The following LAMC2 variants were observed in gnomAD, a reference collection of about 807,000 sequenced individuals.
LAMC2 encodes the protein laminin subunit gamma 2.
LAMC2 carries 97 observed loss-of-function variants against 140.2 expected under a neutral mutation model. That is an observed-to-expected ratio of 0.69 (90% CI 0.59 to 0.82). The LOEUF is 0.82. Ranked by LOEUF, LAMC2 falls within the 40% of genes least tolerant of loss-of-function variation. The pLI, the probability that LAMC2 is intolerant of heterozygous loss-of-function variation, is 0.00. For synonymous variants in LAMC2, 513 were observed against 540.2 expected (o/e 0.95, Z 0.70); for missense variants, 1,402 against 1,476.1 (o/e 0.95, Z 0.82).
At chr1:183,255,298 A>G in the LAMC2 span, among the ~76,000 whole-genome samples, 1 of 152,192 alleles carries the variant, frequency 6.6e-6, no homozygotes, top group Non-Finnish European at 1.5e-5. Flanking sequence ...TGCCAGTACC[A>G]TACTGTTTTG....
intron 9 of LAMC2, among the ~76,000 whole-genome samples, 171 bp downstream of exon 9, chr1:183,227,087 C>T (rs1659649873): frequency 6.6e-6 from 1 of 152,146 alleles, no homozygotes; most frequent in Non-Finnish European, 1.5e-5. Context: ...ATCCTCTTCA[C>T]TGTGGAAATG....
At position 183,235,716 on chromosome 1, in the gene LAMC2, A is replaced by G. The variant is rs1659938260; in HGVS notation, c.2442A>G (p.Gln814=). 2 of 1,614,142 alleles carry G rather than the reference A, an allele frequency of 1.2e-6. No individual in the cohort carries two copies. The highest frequency in any genetic ancestry group is 1.7e-6 in the Non-Finnish European group (2 of 1,180,016). ...GTAGCCCGGACGGTGCTGTGGTGCA[A>G]GGGCTTGTGGAAAAGTACGTTCCTA... ...GSGSPDGAVV[Q]GLVEKLEKTK... Residue 814 remains glutamine (Q), a synonymous_variant, in exon 16 of 23, where the codon CAA becomes CAG. Transcript: ENST00000264144.
At chr1:183,188,751 G>C (rs1571495079) in intron 1 of LAMC2, among the ~76,000 whole-genome samples, 1 of 152,206 alleles carries the variant, frequency 6.6e-6, no homozygotes, top group African/African-American at 2.4e-5. Flanking sequence ...CTTCAGGATA[G>C]GATTGCCTGG....
chr1:183,222,363 G>T, intron 6 of LAMC2, 152 bp downstream of exon 6: 1 of 806,686 alleles, frequency 1.2e-6, no homozygotes. Context: ...AGAGATGGGG[G>T]CTAAGCCTGA....
chr1:183,204,204 T>C (rs1055988265), intron 1 of LAMC2, among the ~76,000 whole-genome samples: 3 of 152,156 alleles, frequency 2.0e-5, no homozygotes, highest in African/African-American at 7.2e-5. Context: ...AGTGAGAAGA[T>C]GGCTTGAGCC....
At chr1:183,247,007 A>G (rs897364486), downstream of LAMC2, among the ~76,000 whole-genome samples, 3 of 152,330 alleles carry the variant, frequency 2.0e-5, no homozygotes, top group African/African-American at 7.2e-5. Flanking sequence ...CAGTGTTTAT[A>G]TTTCACTTTA....
At chr1:183,220,224 C>T (rs1243037752) in intron 4 of LAMC2, among the ~76,000 whole-genome samples, 1 of 152,104 alleles carries the variant, frequency 6.6e-6, no homozygotes, top group Non-Finnish European at 1.5e-5. Context: ...GAGCTGGGAG[C>T]AGAGGTGGAA....
intron 1 of LAMC2, among the ~76,000 whole-genome samples, chr1:183,187,936 C>T (rs1658204520): frequency 6.6e-6 from 1 of 152,198 alleles, no homozygotes; most frequent in South Asian, 2.1e-4. Flanking sequence ...ATCTTTTATA[C>T]ATGATAAGTA....
At chr1:183,243,024 GTA>G (rs1660167943) in intron 22 of LAMC2, 121 bp from the exon 23 acceptor site, 2 of 1,019,480 alleles carry the variant, frequency 2.0e-6, no homozygotes, top group South Asian at 1.4e-5. Context: ...AAAATTCATG[GTA>G]TACTATTTGC....
chr1:183,231,753 T>C (rs768058384), intron 12 of LAMC2, among the ~76,000 whole-genome samples: 12 of 152,220 alleles, frequency 7.9e-5, no homozygotes, highest in African/African-American at 1.7e-4. Context: ...GAACTCCAAA[T>C]GTAGAGCAAA....
In LAMC2 at chr1:183,232,728, C is replaced by A; in HGVS notation, c.2091C>A (p.Asp697Glu). The A allele has an allele frequency of 6.2e-7, 1 of 1,613,932 alleles. No homozygotes were observed. The highest frequency in any genetic ancestry group is 1.1e-5 in the South Asian group (1 of 91,060). Reference sequence around the variant, plus strand: ...ACAGCTACCAGAGCCGCCTGGATGACCTCAAGATGACTGTGGAAAGAGTTC... The same window carrying A: ...ACAGCTACCAGAGCCGCCTGGATGAACTCAAGATGACTGTGGAAAGAGTTC... ...QENSYQSRLD[D>E]LKMTVERVRA... is the part of the protein sequence containing the mutation. The change falls in exon 14 of 23, where the codon GAC (aspartate) becomes GAA (glutamate). Residue 697 changes from aspartate (D) to glutamate (E), a missense_variant. Asp to Glu is a conservative substitution (Grantham distance 45, BLOSUM62 2). Around this residue, in one of 3 missense-constraint regions of LAMC2, gnomAD observed 670 missense variants for 667.2 expected, o/e 1.00. Transcript: ENST00000264144.
chr1:183,227,039 G>C, intron 9 of LAMC2, 123 bp downstream of exon 9: 1 of 771,868 alleles, frequency 1.3e-6, no homozygotes, highest in Non-Finnish European at 2.1e-6. Flanking sequence ...AGCAGAGCTG[G>C]AGTCAGGGAA....
chr1:183,204,370 C>T (rs913738877), intron 1 of LAMC2, among the ~76,000 whole-genome samples: 4 of 150,310 alleles, frequency 2.7e-5, no homozygotes, highest in African/African-American at 7.3e-5. Context: ...CCAAGGTAGG[C>T]GGATTGCTTG....
At chr1:183,223,384 G>C in intron 7 of LAMC2, 60 bp downstream of exon 7, 1 of 1,490,450 alleles carries the variant, frequency 6.7e-7, no homozygotes, top group Non-Finnish European at 9.4e-7. Context: ...GTTCAAGTTT[G>C]TTCTTTATTC....
At chr1:183,210,572 C>A (rs1482931349) in intron 2 of LAMC2, among the ~76,000 whole-genome samples, 3 of 152,028 alleles carry the variant, frequency 2.0e-5, no homozygotes. Flanking sequence ...AAGAATAATT[C>A]TCTTATTCCC....
the LAMC2 span, among the ~76,000 whole-genome samples, chr1:183,258,471 C>T: frequency 7.9e-5 from 12 of 152,138 alleles, no homozygotes; most frequent in East Asian, 1.9e-3. Context: ...CTGGTGTAGG[C>T]TGAACTAACT....
At chr1:183,204,417 GA>G (rs1425156565) in intron 1 of LAMC2, among the ~76,000 whole-genome samples, 1 of 148,824 alleles carries the variant, frequency 6.7e-6, no homozygotes, top group African/African-American at 2.5e-5. Flanking sequence ...GCAACATGGT[GA>G]AACCCCGTCT....
intron 1 of LAMC2, among the ~76,000 whole-genome samples, chr1:183,207,484 A>G (rs745713424): frequency 5.3e-5 from 8 of 152,204 alleles, no homozygotes; most frequent in Non-Finnish European, 1.2e-4. Context: ...GCCCATCCTC[A>G]GGTCTCCGTG....
intron 1 of LAMC2, among the ~76,000 whole-genome samples, chr1:183,200,743 T>C (rs1175771688): frequency 2.6e-5 from 4 of 152,076 alleles, no homozygotes; most frequent in African/African-American, 9.7e-5. Context: ...CACTCTATTG[T>C]TTAAGGAGGG....
Sources: gnomAD v4.1 joint callset for allele counts (sites outside exome capture counted in the v4.1 genomes callset) on GRCh38, gnomAD v4.1.1 for gene constraint, gnomAD v4.1.1 regional missense constraint, MANE v1.5 for transcripts, NCBI Gene and HGNC (gene_info 2026-07-23, HGNC 2026-07-21) for gene names.